Variants in IL23R observed in about 807,000 individuals in gnomAD.
IL23R encodes interleukin-23 receptor.
Under a neutral mutation model 56.9 loss-of-function variants are expected in IL23R, and 34 were observed. That is an observed-to-expected ratio of 0.60 (90% confidence interval 0.45 to 0.80). IL23R has a LOEUF of 0.80. Among genes scored for constraint, IL23R ranks in the 30% least tolerant of loss-of-function variants. The probability of loss-of-function intolerance (pLI) is 0.00; values close to 1 mark genes in which losing one functional copy is unlikely to be tolerated. For missense variants in IL23R, 635 were observed against 730.0 expected, an observed-to-expected ratio of 0.87 and a Z score of 1.50; for synonymous variants, 230 against 249.2, an observed-to-expected ratio of 0.92 and a Z score of 0.73.
chr1:67,186,680 G>A (rs1005308956), intron 4 of IL23R, among the ~76,000 whole-genome samples: 4 of 152,152 alleles, frequency 2.6e-5, no homozygotes. Context: ...GTGCAATGGT[G>A]TGATCTCGGC....
chr1:67,148,992 C>T (rs980824649), intron 1 of IL23R, among the ~76,000 whole-genome samples: 7 of 152,236 alleles, frequency 4.6e-5, no homozygotes, highest in Admixed American at 2.0e-4. Context: ...CCGTCAGATC[C>T]GTGAAAATGA....
intron 9 of IL23R, among the ~76,000 whole-genome samples, chr1:67,245,359 C>G (rs185928498): frequency 6.6e-6 from 1 of 152,058 alleles, no homozygotes; most frequent in Non-Finnish European, 1.5e-5. Flanking sequence ...AATAGGAGTG[C>G]GGAGAGACAG....
At chr1:67,167,818 T>A (rs955559713) in intron 1 of IL23R, among the ~76,000 whole-genome samples, 40 of 152,350 alleles carry the variant, frequency 2.6e-4, no homozygotes, top group African/African-American at 9.6e-4. Flanking sequence ...CTGTAATGGA[T>A]CAAATGCCCT....
intron 5 of IL23R, among the ~76,000 whole-genome samples, chr1:67,205,873 A>ATCTT (rs200498214): frequency 0.042 from 5,806 of 138,968 alleles, 169 homozygotes; most frequent in African/African-American, 0.066. Flanking sequence ...TTGAACATCC[A>ATCTT]TCTTTCTTTC....
At chr1:67,240,373 C>G (rs1047268487) in intron 9 of IL23R, 92 bp downstream of exon 9, 1 of 790,164 alleles carries the variant, frequency 1.3e-6, no homozygotes, top group Non-Finnish European at 2.2e-6. Context: ...CTAGAAAAAT[C>G]TGTTAACATT....
At chr1:67,192,388 T>C (rs772689792) in intron 4 of IL23R, among the ~76,000 whole-genome samples, 29 of 152,186 alleles carry the variant, frequency 1.9e-4, no homozygotes, top group Non-Finnish European at 3.1e-4. Context: ...TCTTGCCCTA[T>C]TTTGTCTGGG....
At chr1:67,252,590 T>C (rs2100375545) in intron 9 of IL23R, among the ~76,000 whole-genome samples, 1 of 152,224 alleles carries the variant, frequency 6.6e-6, no homozygotes, top group East Asian at 1.9e-4. Flanking sequence ...CACAAGTAGG[T>C]CCAACAGGTT....
Position 67,169,417 on chromosome 1 carries a change from C to A in IL23R, c.146C>A (p.Ser49Tyr), listed in dbSNP as rs1356970161. Residue 49 changes from serine to tyrosine, a missense_variant, in exon 3 of 11, where the codon TCT becomes TAT. Coordinates refer to ENST00000347310, the MANE Select transcript of IL23R (RefSeq NM_144701.3). ...ATTTTTAAGATGGGTATGAATATCTCTATATATTGCCAAGCAGCAATTAAG... is the reference window on the plus strand; with the variant it reads ...ATTTTTAAGATGGGTATGAATATCTATATATATTGCCAAGCAGCAATTAAG... Reference protein sequence around the residue: ...ATIFKMGMNISIYCQAAIKNC... With the variant: ...ATIFKMGMNIYIYCQAAIKNC... 6.2e-7 allele frequency: 1 copy of A among 1,612,998 alleles called. No homozygotes were observed. Among genetic ancestry groups the A allele is most frequent in the African/African-American group, 1.3e-5 (1 of 74,866 alleles).
At chr1:67,151,003 G>C (rs1343897748) in intron 1 of IL23R, among the ~76,000 whole-genome samples, 2 of 152,038 alleles carry the variant, frequency 1.3e-5, no homozygotes, top group African/African-American at 4.8e-5. Flanking sequence ...TGGTATTTCT[G>C]GCTCTAGATC....
At chr1:67,138,944 G>A (rs1178368676) in exon 1 of IL23R, 12 of 152,324 alleles carry the variant, frequency 7.9e-5, no homozygotes, top group East Asian at 7.5e-4. Flanking sequence ...ATTTTATTCC[G>A]GGACTTTGAG....
intron 3 of IL23R, among the ~76,000 whole-genome samples, chr1:67,173,501 A>T (rs1646970080): frequency 6.6e-6 from 1 of 152,148 alleles, no homozygotes. Flanking sequence ...CTCCAAAATG[A>T]TTTAAATTTA....
At chr1:67,198,493 C>T (rs1214491111) in intron 4 of IL23R, among the ~76,000 whole-genome samples, 2 of 152,202 alleles carry the variant, frequency 1.3e-5, no homozygotes, top group African/African-American at 4.8e-5. Context: ...ATTATAAATA[C>T]TTAGATAAAT....
At chr1:67,232,316 T>G (rs1274349609) in intron 7 of IL23R, among the ~76,000 whole-genome samples, 2 of 152,162 alleles carry the variant, frequency 1.3e-5, no homozygotes, top group East Asian at 3.9e-4. Context: ...CAGTAGGGCT[T>G]GTGGGGTCCA....
chr1:67,234,861 C>G lies in IL23R; in HGVS notation c.956-1852C>G, dbSNP rs138250234. On this transcript the variant is annotated intron_variant, in intron 7 of 10. Transcript: ENST00000347310. The stretch of plus-strand genomic sequence containing the variant: ...TAGCTGGGACTATAGGCACCTGCCA[C>G]CATGCCTGGCTAATTTTTGTATTTT... Among the ~76,000 whole-genome samples, 690 of 152,072 alleles carry G rather than the reference C, an allele frequency of 4.5e-3. 2 individuals carry two copies. The highest frequency in any genetic ancestry group is 8.1e-3 in the Non-Finnish European group (550 of 67,968).
intron 5 of IL23R, among the ~76,000 whole-genome samples, chr1:67,204,189 G>A (rs934039140): frequency 2.7e-4 from 41 of 152,000 alleles, no homozygotes; most frequent in African/African-American, 9.2e-4. Flanking sequence ...TCAGCCTCCC[G>A]AGTAGCTGGG....
At chr1:67,233,930 TGTGTGTGTGTGTG>T (rs1352700092) in intron 7 of IL23R, among the ~76,000 whole-genome samples, 13 of 5,956 alleles carry the variant, frequency 2.2e-3, no homozygotes, top group African/African-American at 3.0e-3. Context: ...TCATAAAGGC[TGTGTGTGTGTGTG>T]TGTGTGTGTG....
intron 5 of IL23R, among the ~76,000 whole-genome samples, chr1:67,205,779 A>C (rs1648959812): frequency 6.6e-6 from 1 of 152,228 alleles, no homozygotes; most frequent in African/African-American, 2.4e-5. Flanking sequence ...AGGAGAACAA[A>C]ACAAGTTAGC....
chr1:67,153,198 G>A (rs1390783016), intron 1 of IL23R, among the ~76,000 whole-genome samples: 1 of 152,058 alleles, frequency 6.6e-6, no homozygotes, highest in Non-Finnish European at 1.5e-5. Context: ...GTCAAGAAAT[G>A]TATCCATTTC....
chr1:67,197,759 T>C (rs980547154), intron 4 of IL23R, among the ~76,000 whole-genome samples: 1 of 152,022 alleles, frequency 6.6e-6, no homozygotes, highest in African/African-American at 2.4e-5. Context: ...GCCTGGGCAA[T>C]GTGGCAAAAC....
Sources: allele counts gnomAD v4.1 joint callset (sites outside exome capture counted in the v4.1 genomes callset), GRCh38; gene constraint gnomAD v4.1.1; transcripts MANE v1.5; gene names NCBI Gene and HGNC (gene_info 2026-07-23, HGNC 2026-07-21).